Variants in TMEM232 observed in about 807,000 individuals in gnomAD.
TMEM232 encodes transmembrane protein 232.
TMEM232 carries 80 observed loss-of-function variants against 78.8 expected under a neutral mutation model. The observed-to-expected ratio is 1.01, with a 90% CI of 0.85 to 1.22. The LOEUF is 1.22. TMEM232 is among the 50% of genes most tolerant of loss of function. The pLI, the probability that TMEM232 is intolerant of heterozygous loss-of-function variation, is 0.00. For missense variants in TMEM232, 881 were observed against 742.2 expected, an observed-to-expected ratio of 1.19 and a Z score of -2.17; for synonymous variants, 297 against 254.3, an observed-to-expected ratio of 1.17 and a Z score of -1.60.
Position 110,483,947 on chromosome 5 carries a change from G to T in TMEM232, c.1703+44641C>A, listed in dbSNP as rs1016966244. ...ACGATGGATTCAGTAAAGAAAGTGT[G>T]GTATATATACAGTATGGAATACTAT... On this transcript the variant is annotated intron_variant, in intron 12 of 13. Transcript: ENST00000455884. Among the ~76,000 whole-genome samples the T allele has an allele frequency of 2.6e-5, 4 of 152,082 alleles. No individual in the cohort carries two copies. The South Asian group carries it at 8.3e-4, about 32-fold the overall frequency.
intron 10 of TMEM232, among the ~76,000 whole-genome samples, chr5:110,586,081 A>C (rs891373656): frequency 5.3e-5 from 8 of 152,168 alleles, no homozygotes; most frequent in African/African-American, 1.9e-4. Flanking sequence ...AGGTCAAGTT[A>C]AGATTTAAAA....
downstream of TMEM232, among the ~76,000 whole-genome samples, chr5:110,415,326 T>C (rs997313128): frequency 6.6e-6 from 1 of 151,938 alleles, no homozygotes; most frequent in African/African-American, 2.4e-5. Context: ...TAGCTGGGAC[T>C]ACAGGCGCCT....
chr5:110,612,862 C>T (rs1283277065), intron 8 of TMEM232, among the ~76,000 whole-genome samples: 1 of 152,110 alleles, frequency 6.6e-6, no homozygotes, highest in Admixed American at 6.6e-5. Context: ...ATTAGAAAGT[C>T]TTTTGCGTTG....
intron 1 of TMEM232, among the ~76,000 whole-genome samples, chr5:110,686,743 G>A (rs1208679719): frequency 2.0e-5 from 3 of 151,886 alleles, no homozygotes; most frequent in African/African-American, 7.3e-5. Flanking sequence ...TAAAAATAAG[G>A]GCTCAAACAG....
intron 12 of TMEM232, among the ~76,000 whole-genome samples, chr5:110,444,752 C>A (rs558063622): frequency 6.6e-6 from 1 of 152,044 alleles, no homozygotes; most frequent in South Asian, 2.1e-4. Context: ...ACAATTTGGA[C>A]CATTTAAATG....
chr5:110,512,584 A>G (rs960909235), intron 12 of TMEM232, among the ~76,000 whole-genome samples: 4 of 152,174 alleles, frequency 2.6e-5, no homozygotes, highest in African/African-American at 9.6e-5. Flanking sequence ...GGAAACATCA[A>G]TTTCCCTGAC....
intron 11 of TMEM232, among the ~76,000 whole-genome samples, chr5:110,546,087 A>G (rs1384447532): frequency 6.6e-6 from 1 of 152,094 alleles, no homozygotes; most frequent in African/African-American, 2.4e-5. Flanking sequence ...ATCTATTCAC[A>G]ATTGTTTTTC....
In TMEM232 at chr5:110,424,935, A is replaced by G. The variant is rs1269152935; in HGVS notation, c.1704-19T>C. On this transcript the variant is annotated intron_variant, in intron 12 of 13. Transcript: ENST00000455884. ...ATGTTCCCTTCAAAAGAGCACAAGA[A>G]CAAATCCAACATTAGGTATAGGTAC... The G allele has an allele frequency of 7.3e-6, 11 of 1,510,452 alleles. No individual in the cohort carries two copies. The South Asian group carries it at 1.1e-4, about 15-fold the overall frequency. The allele number at this position is 1,510,452 out of a possible 1,614,324, so 93.6% of individuals were successfully genotyped here.
intron 12 of TMEM232, among the ~76,000 whole-genome samples, chr5:110,509,546 C>T (rs567689415): frequency 6.6e-6 from 1 of 152,180 alleles, no homozygotes; most frequent in South Asian, 2.1e-4. Context: ...TTCACGATTT[C>T]TTGGTATTTT....
downstream of TMEM232, chr5:110,418,264 T>A (rs189071966): frequency 6.6e-6 from 1 of 152,298 alleles, no homozygotes; most frequent in Admixed American, 6.5e-5. Flanking sequence ...TTCTAAATGA[T>A]ATCACTCTTT....
intron 1 of TMEM232, among the ~76,000 whole-genome samples, chr5:110,709,568 C>G (rs1487204832): frequency 6.6e-6 from 1 of 151,828 alleles, no homozygotes; most frequent in Non-Finnish European, 1.5e-5. Flanking sequence ...AACTAGAAAC[C>G]AATAGAAGAG....
intron 3 of TMEM232, among the ~76,000 whole-genome samples, 155 bp from the exon 4 acceptor site, chr5:110,641,151 C>T (rs1189264619): frequency 6.6e-6 from 1 of 152,014 alleles, no homozygotes; most frequent in African/African-American, 2.4e-5. Context: ...GCTTTTATTA[C>T]TCAAATTTTT....
At chr5:110,497,154 C>G (rs1765733661) in intron 12 of TMEM232, among the ~76,000 whole-genome samples, 1 of 151,880 alleles carries the variant, frequency 6.6e-6, no homozygotes, top group African/African-American at 2.4e-5. Flanking sequence ...TTTAAAAAAA[C>G]CTTATGAGCA....
At chr5:110,670,339 C>A in intron 1 of TMEM232, among the ~76,000 whole-genome samples, 1 of 152,076 alleles carries the variant, frequency 6.6e-6, no homozygotes, top group Admixed American at 6.6e-5. Flanking sequence ...ACACCAATAA[C>A]AGACAAACAG....
At chr5:110,520,081 G>C (rs1174754129) in intron 12 of TMEM232, among the ~76,000 whole-genome samples, 1 of 150,376 alleles carries the variant, frequency 6.6e-6, no homozygotes, top group African/African-American at 2.4e-5. Context: ...TTAGGTAGGA[G>C]GAGTAAGATC....
intron 3 of TMEM232, among the ~76,000 whole-genome samples, chr5:110,641,889 T>TA (rs1411441307): frequency 4.6e-5 from 7 of 152,152 alleles, no homozygotes; most frequent in African/African-American, 1.7e-4. Flanking sequence ...AATAGTTTGT[T>TA]ACAGAGAAAG....
At chr5:110,520,982 C>T (rs1279161867) in intron 12 of TMEM232, among the ~76,000 whole-genome samples, 1 of 151,778 alleles carries the variant, frequency 6.6e-6, no homozygotes, top group African/African-American at 2.4e-5. Context: ...TTGGGTAGGG[C>T]TCACTGGGGA....
At chr5:110,422,012 G>A (rs1166631249) in intron 13 of TMEM232, among the ~76,000 whole-genome samples, 1 of 152,154 alleles carries the variant, frequency 6.6e-6, no homozygotes, top group Admixed American at 6.5e-5. Context: ...CTCCAGAATA[G>A]TCAGGCACAG....
chr5:110,643,566 G>T (rs1787050342), intron 2 of TMEM232, among the ~76,000 whole-genome samples: 1 of 151,992 alleles, frequency 6.6e-6, no homozygotes, highest in South Asian at 2.1e-4. Flanking sequence ...GATATCAAAG[G>T]AATAGTGAAC....
Sources: allele counts gnomAD v4.1 joint callset (sites outside exome capture counted in the v4.1 genomes callset), GRCh38; gene constraint gnomAD v4.1.1; transcripts MANE v1.5; gene names NCBI Gene and HGNC (gene_info 2026-07-23, HGNC 2026-07-21).